Variants in RFX4 observed in about 807,000 individuals in gnomAD.
RFX4 encodes the protein regulatory factor X4.
RFX4 carries 10 observed loss-of-function variants against 95.0 expected under a neutral mutation model. The observed-to-expected ratio is 0.11, with a 90% CI of 0.06 to 0.18. The LOEUF (loss-of-function observed/expected upper bound fraction) is 0.18, where lower values mean the gene tolerates loss of function less well. Among genes scored for constraint, RFX4 ranks in the 10% least tolerant of loss-of-function variants. The pLI is 1.00. For synonymous variants in RFX4, 321 were observed against 340.7 expected (o/e 0.94, Z 0.64); for missense variants, 640 against 922.0 (o/e 0.69, Z 3.96).
chr12:106,713,252 T>G (rs1207986557), intron 10 of RFX4, among the ~76,000 whole-genome samples: 1 of 152,206 alleles, frequency 6.6e-6, no homozygotes, highest in Non-Finnish European at 1.5e-5. Context: ...GACCTAAGAT[T>G]CACGTCCAGG....
At position 106,720,683 on chromosome 12, in the gene RFX4, G is replaced by A. The variant is rs2042380601; in HGVS notation, c.1234-76G>A. ...ATTACAGGCGTGAGCCACTTCAACC[G>A]GCCTCATTTTTCAAAGAGACAGTAA... On this transcript the variant is annotated intron_variant, in intron 12 of 17. Coordinates refer to ENST00000392842, the MANE Select transcript of RFX4 (RefSeq NM_213594.3). The surrounding 1 kb of genome is among the most constrained non-coding windows in gnomAD (Gnocchi z 4.2). The A allele has an allele frequency of 2.0e-5, 28 of 1,418,700 alleles. No individual in the cohort carries two copies. Among genetic ancestry groups the A allele is most frequent in the African/African-American group, 2.8e-5 (2 of 71,052 alleles). 87.9% of individuals were successfully genotyped at this position (1,418,700 alleles called of 1,614,324 possible). A position where few individuals can be genotyped will look rare whatever the true frequency, so the allele number is the denominator to read the frequency against.
intron 8 of RFX4, among the ~76,000 whole-genome samples, chr12:106,699,299 T>C (rs889332230): frequency 6.6e-6 from 1 of 152,186 alleles, no homozygotes; most frequent in East Asian, 1.9e-4. Context: ...TTCTTTTAAG[T>C]TGATACTTGT....
intron 4 of RFX4, among the ~76,000 whole-genome samples, chr12:106,655,164 A>G (rs757443009): frequency 6.6e-6 from 1 of 152,200 alleles, no homozygotes; most frequent in Non-Finnish European, 1.5e-5. Context: ...TCCCCAAAAG[A>G]TAAATCATCA....
chr12:106,671,387 G>A (rs1240880470), intron 4 of RFX4, among the ~76,000 whole-genome samples: 1 of 152,082 alleles, frequency 6.6e-6, no homozygotes, highest in Non-Finnish European at 1.5e-5. Flanking sequence ...GCCTTCCTGG[G>A]TGGCTCTGGG....
At chr12:106,669,598 C>T (rs1312964252) in intron 4 of RFX4, among the ~76,000 whole-genome samples, 1 of 151,994 alleles carries the variant, frequency 6.6e-6, no homozygotes, top group Non-Finnish European at 1.5e-5. Flanking sequence ...CTCCTCCCAT[C>T]CTGACGTGGG....
intron 2 of RFX4, among the ~76,000 whole-genome samples, chr12:106,638,049 C>G (rs2040549006): frequency 6.6e-6 from 1 of 151,334 alleles, no homozygotes; most frequent in African/African-American, 2.4e-5. Flanking sequence ...GCTCTGTTGC[C>G]CAGACTAGAG....
chr12:106,664,326 C>T (rs1328589298), intron 4 of RFX4, among the ~76,000 whole-genome samples: 1 of 151,758 alleles, frequency 6.6e-6, no homozygotes, highest in Non-Finnish European at 1.5e-5. Flanking sequence ...TCTAGATTAT[C>T]GAATCTGTGG....
chr12:106,714,819 C>T (rs574119045), intron 10 of RFX4: 2 of 152,402 alleles, frequency 1.3e-5, no homozygotes, highest in African/African-American at 4.8e-5. Context: ...TATAGTTTCC[C>T]TTTTCCTCCA....
Position 106,608,852 on chromosome 12 carries a change from C to T in RFX4, c.99C>T (p.His33=), listed in dbSNP as rs147919900. ...GTGAAAACAAACGTTATTCCAGCCA[C>T]ACATCTCTGGGGAATGTTTCTAATG... is the stretch of plus-strand genomic sequence containing the variant. The part of the protein sequence containing the change: ...NESENKRYSS[H]TSLGNVSNDE... Residue 33 remains histidine (H), a synonymous_variant, in exon 2 of 18, where the codon CAC becomes CAT. Transcript: ENST00000392842. 91 of 1,612,094 alleles carry T rather than the reference C, an allele frequency of 5.6e-5. No homozygotes were observed. The African/African-American group carries it at 1.1e-3, about 20-fold the overall frequency.
At position 106,685,719 on chromosome 12, in the gene RFX4, G is replaced by A. The variant is rs139845038; in HGVS notation, c.378-1165G>A. Among the ~76,000 whole-genome samples the A allele has an allele frequency of 3.4e-3, 523 of 152,312 alleles. 3 individuals carry two copies. The highest frequency in any genetic ancestry group is 0.012 in the African/African-American group (490 of 41,578). ...AGTAGGATAGCACTGTGGCTTCATA[G>A]TCAAAAAGACCTGTCTGTGTTCAAG... On this transcript the variant is annotated intron_variant, in intron 5 of 17. Coordinates refer to ENST00000392842, the MANE Select transcript of RFX4 (RefSeq NM_213594.3).
intron 1 of RFX4, chr12:106,601,214 C>T: frequency 1.3e-6 from 2 of 1,546,766 alleles, no homozygotes; most frequent in Non-Finnish European, 1.7e-6. Flanking sequence ...TCTCCAAACT[C>T]CTGTGTGTCG....
chr12:106,600,053 A>G (rs548298288), intron 1 of RFX4, among the ~76,000 whole-genome samples: 226 of 152,218 alleles, frequency 1.5e-3, no homozygotes, highest in Non-Finnish European at 2.9e-3. Context: ...ACTGAATACA[A>G]TCTAGACTCC....
rs10778502 is a variant in RFX4 at position 106,696,423 on chromosome 12, T to C, written c.810T>C (p.Thr270=). The C allele has an allele frequency of 0.37, 604,686 of 1,613,776 alleles. 115,197 individuals are homozygous for C. Among genetic ancestry groups the C allele is most frequent in the African/African-American group, 0.51 (38,400 of 74,906 alleles). The part of the protein sequence containing the change: ...YKAISGVLMP[T]VLQALPDSLT... ...CTATCTCCGGGGTGCTGATGCCCAC[T>C]GTGCTGCAGGCATTACCTGACAGGT... Residue 270 remains threonine (T), a synonymous_variant, in exon 8 of 18, where the codon ACT becomes ACC. Coordinates refer to ENST00000392842, the MANE Select transcript of RFX4 (RefSeq NM_213594.3).
chr12:106,733,417 C>A, intron 15 of RFX4: 1 of 226,230 alleles, frequency 4.4e-6, no homozygotes, highest in East Asian at 9.8e-5. Flanking sequence ...TTGTGAATGA[C>A]GTACAGGTAT....
intron 17 of RFX4, among the ~76,000 whole-genome samples, chr12:106,756,025 C>T (rs2043101780): frequency 1.3e-5 from 2 of 152,176 alleles, no homozygotes; most frequent in Non-Finnish European, 2.9e-5. Flanking sequence ...CCCTTGTTTA[C>T]ACTACTTATT....
intron 5 of RFX4, among the ~76,000 whole-genome samples, chr12:106,684,159 G>A (rs1374987094): frequency 5.3e-5 from 8 of 152,176 alleles, no homozygotes; most frequent in Admixed American, 6.5e-5. Context: ...TTGAGGTCAG[G>A]AGTTCAAGAT....
Position 106,714,068 on chromosome 12 carries a change from C to CAAAA in RFX4, c.994-1312_994-1309dup, listed in dbSNP as rs58283896. Among the ~76,000 whole-genome samples, 38 of 30,446 alleles carry CAAAA rather than the reference C, an allele frequency of 1.2e-3. 1 individual carries two copies. The highest frequency in any genetic ancestry group is 0.016 in the Middle Eastern group (1 of 64). 20.0% of individuals were successfully genotyped at this position (30,446 alleles called of 152,430 possible). On this transcript the variant is annotated intron_variant, in intron 10 of 17. Transcript: ENST00000392842. ...GGGCAACAAGAGTGAAACTCCATCTCAAAAAAAAAAAAAAAAAAAAAAAGC... is the reference window on the plus strand; with the variant it reads ...GGGCAACAAGAGTGAAACTCCATCTCAAAAAAAAAAAAAAAAAAAAAAAAAAAGC...
At chr12:106,587,111 C>A (rs755839279) in intron 1 of RFX4, among the ~76,000 whole-genome samples, 2 of 152,230 alleles carry the variant, frequency 1.3e-5, no homozygotes, top group Non-Finnish European at 2.9e-5. Flanking sequence ...GAGGCTGCAG[C>A]CCTTGATGGC....
chr12:106,688,862 T>C (rs975525249), intron 6 of RFX4, among the ~76,000 whole-genome samples: 31 of 152,188 alleles, frequency 2.0e-4, no homozygotes, highest in African/African-American at 7.5e-4. Context: ...TAACTATACA[T>C]TGGATTTTAA....
Sources: allele counts gnomAD v4.1 joint callset (sites outside exome capture counted in the v4.1 genomes callset), GRCh38; gene constraint gnomAD v4.1.1; non-coding constraint Gnocchi (gnomAD v3.1); transcripts MANE v1.5; gene names NCBI Gene and HGNC (gene_info 2026-07-23, HGNC 2026-07-21).